The following MAP2 variants were observed in gnomAD, a reference collection of about 807,000 sequenced individuals.
MAP2 encodes the protein microtubule-associated protein 2.
In MAP2, 14 loss-of-function variants were observed where a neutral mutation model predicts 137.6. The observed-to-expected ratio is 0.10, with a 90% CI of 0.07 to 0.16. MAP2 has a LOEUF of 0.16. Among genes scored for constraint, MAP2 ranks in the 10% least tolerant of loss-of-function variants. The pLI, the probability that MAP2 is intolerant of heterozygous loss-of-function variation, is 1.00. For missense variants in MAP2, 2,088 were observed against 2,191.5 expected, an observed-to-expected ratio of 0.95 and a Z score of 0.94; for synonymous variants, 786 against 782.3, an observed-to-expected ratio of 1.00 and a Z score of -0.08.
Position 209,700,358 on chromosome 2 carries a change from C to T in MAP2, c.4584+20C>T. The T allele has an allele frequency of 1.9e-6, 3 of 1,590,754 alleles. No homozygotes were observed. Among genetic ancestry groups the T allele is most frequent in the Non-Finnish European group, 2.6e-6 (3 of 1,162,336 alleles). On this transcript the variant is annotated intron_variant, in intron 11 of 15. Coordinates refer to ENST00000682079, the MANE Select transcript of MAP2 (RefSeq NM_001375505.1). ...GTCTCTGTGAGTAAAATAAGTTTTT[C>T]CTTGTTCTTCATTTGAAGTTCCTTT...
At chr2:209,494,288 T>G (rs531106005) in intron 1 of MAP2, among the ~76,000 whole-genome samples, 10 of 151,912 alleles carry the variant, frequency 6.6e-5, no homozygotes, top group African/African-American at 2.4e-4. Flanking sequence ...TTGGGGAGGT[T>G]GGGGGCAAGG....
chr2:209,434,875 T>A (rs1330767176), intron 1 of MAP2, among the ~76,000 whole-genome samples: 1 of 59,620 alleles, frequency 1.7e-5, no homozygotes, highest in African/African-American at 1.7e-4. Flanking sequence ...ATATATATGT[T>A]ATATATATGT....
chr2:209,582,884 G>A (rs1441731986), intron 3 of MAP2, among the ~76,000 whole-genome samples: 1 of 151,996 alleles, frequency 6.6e-6, no homozygotes, highest in Non-Finnish European at 1.5e-5. Flanking sequence ...AGCTCTCCCT[G>A]TAATCCTGGG....
intron 11 of MAP2, chr2:209,703,972 T>C (rs1335707686): frequency 2.2e-6 from 1 of 455,602 alleles, no homozygotes; most frequent in Admixed American, 2.4e-5. Context: ...GATTTTTTAT[T>C]TTATTTTTAA....
chr2:209,639,432 G>T (rs1284434851), intron 4 of MAP2, among the ~76,000 whole-genome samples: 1 of 151,872 alleles, frequency 6.6e-6, no homozygotes, highest in African/African-American at 2.4e-5. Context: ...ATAGAATCTA[G>T]CCCCTTGTTT....
At chr2:209,724,583 AAGAGAGAG>A (rs145497846) in intron 13 of MAP2, among the ~76,000 whole-genome samples, 6 of 149,106 alleles carry the variant, frequency 4.0e-5, no homozygotes, top group African/African-American at 4.9e-5. Flanking sequence ...TCAAGCAGTG[AAGAGAGAG>A]AGAGAGAGAG....
At chr2:209,508,590 A>G (rs975556306) in intron 2 of MAP2, among the ~76,000 whole-genome samples, 2 of 88,970 alleles carry the variant, frequency 2.2e-5, no homozygotes, top group East Asian at 4.1e-4. Flanking sequence ...TGTCCCACAC[A>G]CACACACACA....
At chr2:209,425,972 G>A (rs978970602) in intron 1 of MAP2, among the ~76,000 whole-genome samples, 46 of 152,270 alleles carry the variant, frequency 3.0e-4, no homozygotes, top group African/African-American at 1.1e-3. Flanking sequence ...CCAGCCCCAT[G>A]CACACAAAGA....
At chr2:209,675,151 A>G (rs1261982090) in intron 5 of MAP2, among the ~76,000 whole-genome samples, 1 of 151,880 alleles carries the variant, frequency 6.6e-6, no homozygotes, top group Non-Finnish European at 1.5e-5. Flanking sequence ...AATTAAGCCA[A>G]TAACTTTGAC....
At chr2:209,663,619 G>A (rs1398869564) in intron 5 of MAP2, among the ~76,000 whole-genome samples, 5 of 152,146 alleles carry the variant, frequency 3.3e-5, no homozygotes, top group Non-Finnish European at 7.4e-5. Context: ...TCAGGAATAC[G>A]CAAGAAGGCA....
chr2:209,685,156 A>G (rs1200543919), intron 7 of MAP2, among the ~76,000 whole-genome samples: 1 of 152,194 alleles, frequency 6.6e-6, no homozygotes, highest in South Asian at 2.1e-4. Context: ...AAATTCTGCA[A>G]TCACGGTTGC....
rs190402543 is a variant in MAP2, at chr2:209,609,721, C to T, written c.-106-15332C>T. On this transcript the variant is annotated intron_variant, in intron 3 of 15. Coordinates refer to ENST00000682079, the MANE Select transcript of MAP2 (RefSeq NM_001375505.1). ...TTTTATTAGTTCATTAATCAGTTGA[C>T]GGACATTTAAGTTGCTGAGTCATTG... Among the ~76,000 whole-genome samples, 229 of 152,226 alleles carry T rather than the reference C, an allele frequency of 1.5e-3. 1 individual carries two copies. Among genetic ancestry groups the T allele is most frequent in the African/African-American group, 5.0e-3 (209 of 41,554 alleles).
chr2:209,528,868 G>A (rs991470184), intron 2 of MAP2, among the ~76,000 whole-genome samples: 2 of 139,428 alleles, frequency 1.4e-5, no homozygotes, highest in Non-Finnish European at 3.1e-5. Flanking sequence ...ATATGTGTGT[G>A]TATATGTATA....
chr2:209,525,969 T>C (rs2063978967), intron 2 of MAP2, among the ~76,000 whole-genome samples: 1 of 152,182 alleles, frequency 6.6e-6, no homozygotes, highest in Non-Finnish European at 1.5e-5. Context: ...TTTCCCCCAT[T>C]ACATTCTGTT....
intron 14 of MAP2, 51 bp from the exon 15 acceptor site, chr2:209,729,790 TGGGAAATAG>T: frequency 8.9e-7 from 1 of 1,129,222 alleles, no homozygotes; most frequent in African/African-American, 1.5e-5. Context: ...CAGTCATTTT[TGGGAAATAG>T]TTACCACGAA....
At chr2:209,598,650 A>G (rs1261370590) in intron 3 of MAP2, among the ~76,000 whole-genome samples, 1 of 142,630 alleles carries the variant, frequency 7.0e-6, no homozygotes, top group Non-Finnish European at 1.5e-5. Flanking sequence ...TCCTGTGTCC[A>G]TGTGACCTCA....
intron 1 of MAP2, among the ~76,000 whole-genome samples, chr2:209,428,923 T>TTTTATTTATTTATTTATTTA (rs200198018): frequency 1.4e-5 from 2 of 146,346 alleles, no homozygotes; most frequent in Admixed American, 6.9e-5. Flanking sequence ...CTTTATTTTA[T>TTTTATTTATTTATTTATTTA]TTTATTTATT....
At chr2:209,712,989 T>C (rs532308667) in intron 13 of MAP2, among the ~76,000 whole-genome samples, 1 of 152,308 alleles carries the variant, frequency 6.6e-6, no homozygotes, top group African/African-American at 2.4e-5. Context: ...ACAAGAGCTA[T>C]ACTTTCTTCA....
chr2:209,586,165 A>G (rs1361199339), intron 3 of MAP2, among the ~76,000 whole-genome samples: 2 of 152,160 alleles, frequency 1.3e-5, no homozygotes, highest in Non-Finnish European at 2.9e-5. Context: ...GAGATAAAAT[A>G]TGAAAAGCAA....
Sources: gnomAD v4.1 joint callset for allele counts (sites outside exome capture counted in the v4.1 genomes callset) on GRCh38, gnomAD v4.1.1 for gene constraint, MANE v1.5 for transcripts, NCBI Gene and HGNC (gene_info 2026-07-23, HGNC 2026-07-21) for gene names.